KEAP1: variants seen among roughly 807,000 people sequenced by gnomAD.
KEAP1 encodes kelch like ECH associated protein 1, also known as kelch-like ECH-associated protein 1.
KEAP1 carries 26 observed loss-of-function variants against 59.7 expected under a neutral mutation model. The observed-to-expected ratio is 0.44, with a 90% CI of 0.32 to 0.60. KEAP1 has a LOEUF of 0.60. KEAP1 is among the 20% of genes least tolerant of loss of function. KEAP1 has a pLI of 0.06. For synonymous variants in KEAP1, 350 were observed against 358.3 expected (o/e 0.98, Z 0.26); for missense variants, 539 against 871.4 (o/e 0.62, Z 4.80).
intron 5 of KEAP1, among the ~76,000 whole-genome samples, chr19:10,488,484 C>T (rs976726969): frequency 2.0e-5 from 3 of 150,634 alleles, no homozygotes; most frequent in East Asian, 2.0e-4. Flanking sequence ...TAGTGGCAGG[C>T]GCCTGTAATC....
chr19:10,493,892 C>G (rs1426874519), intron 2 of KEAP1, among the ~76,000 whole-genome samples: 1 of 152,126 alleles, frequency 6.6e-6, no homozygotes, highest in Non-Finnish European at 1.5e-5. Context: ...GGTGATCTGC[C>G]CATCTCAGCC....
rs889349612 is a variant in KEAP1 at position 10,486,280 on chromosome 19, C to G, written c.*372G>C. On this transcript the variant is annotated 3_prime_UTR_variant, in exon 6 of 6. Transcript: ENST00000171111. Reference sequence around the variant, plus strand: ...CCACATTTCCAGAGGGGGCCTCCCCCTGAGGCCCCCATTGGCCCCCTCCCA... The same window carrying G: ...CCACATTTCCAGAGGGGGCCTCCCCGTGAGGCCCCCATTGGCCCCCTCCCA... 1.2e-5 allele frequency: 3 copies of G among 254,104 alleles called. No individual in the cohort carries two copies. Among genetic ancestry groups the G allele is most frequent in the Non-Finnish European group, 2.3e-5 (3 of 131,926 alleles). 15.7% of individuals were successfully genotyped at this position (254,104 alleles called of 1,614,324 possible). A position where few individuals can be genotyped will look rare whatever the true frequency, so the allele number is the denominator to read the frequency against.
At position 10,492,086 on chromosome 19, in the gene KEAP1, G is replaced by A. The variant is rs2144603178; in HGVS notation, c.816C>T (p.Arg272=). 1.2e-6 allele frequency: 2 copies of A among 1,613,972 alleles called. No homozygotes were observed. Among genetic ancestry groups the A allele is most frequent in the Non-Finnish European group, 1.7e-6 (2 of 1,180,050 alleles). The change falls in exon 3 of 6, where the codon CGC becomes CGT. Residue 272 remains arginine (R), a synonymous_variant. Coordinates refer to ENST00000171111, the MANE Select transcript of KEAP1 (RefSeq NM_203500.2). ...FYVQALLRAV[R]CHSLTPNFLQ... ...GGAAGTTCGGCGTCAACGAGTGGCA[G>A]CGCACGGCCCGCAGCAGCGCCTGGA...
At position 10,499,491 on chromosome 19, in the gene KEAP1, G is replaced by A; in HGVS notation, c.543C>T (p.Pro181=). Residue 181 remains proline, a synonymous_variant, in exon 2 of 6, where the codon CCC becomes CCT. Coordinates refer to ENST00000171111, the MANE Select transcript of KEAP1 (RefSeq NM_203500.2). The surrounding 1 kb of genome is among the most constrained non-coding windows in gnomAD (Gnocchi z 6.7). ...CSDFLVQQLD[P]SNAIGIANFA... is the part of the protein sequence containing the mutation. Reference sequence around the variant, plus strand: ...AGTTGGCGATGCCGATGGCATTGCTGGGGTCCAGCTGCTGCACCAGGAAGT... The same window carrying A: ...AGTTGGCGATGCCGATGGCATTGCTAGGGTCCAGCTGCTGCACCAGGAAGT... 1.2e-6 allele frequency: 2 copies of A among 1,614,162 alleles called. No homozygotes were observed. Among genetic ancestry groups the A allele is most frequent in the East Asian group, 2.2e-5 (1 of 44,890 alleles).
intron 2 of KEAP1, among the ~76,000 whole-genome samples, chr19:10,497,407 G>C (rs1027627996): frequency 3.3e-5 from 5 of 152,188 alleles, no homozygotes; most frequent in Admixed American, 3.3e-4. Flanking sequence ...GGGGGACTTA[G>C]AAAATTTCCA....
In KEAP1 at chr19:10,503,012, C is replaced by G. The variant is rs1915098394; in HGVS notation, c.-48+229G>C. On this transcript the variant is annotated intron_variant, in intron 1 of 5. Coordinates refer to ENST00000171111, the MANE Select transcript of KEAP1 (RefSeq NM_203500.2). The surrounding 1 kb of genome is among the most constrained non-coding windows in gnomAD (Gnocchi z 4.3). ...TCCGAGTCGCGGGGAGTCTGAACCC[C>G]GAGTTCCAGGCCTGCGCGCCCCGGC... 6.6e-6 allele frequency: 1 copy of G among 152,072 alleles called. No individual in the cohort carries two copies. Among genetic ancestry groups the G allele is most frequent in the East Asian group, 2.0e-4 (1 of 5,112 alleles). 9.4% of individuals were successfully genotyped at this position (152,072 alleles called of 1,614,324 possible).
At position 10,489,853 on chromosome 19, in the gene KEAP1, C is replaced by T. The variant is rs749550339; in HGVS notation, c.1326G>A (p.Arg442=). The change falls in exon 4 of 6, where the codon AGG becomes AGA. Residue 442 remains arginine, a splice_region_variant and synonymous_variant. Coordinates refer to ENST00000171111, the MANE Select transcript of KEAP1 (RefSeq NM_203500.2). ...GCCACTCATCCCGCTCTGGCTCATA[C>T]CTGCAAGGGCGTAAGAAAAATGGGG... ...HGCIHHNSVE[R]YEPERDEWHL... is the part of the protein sequence containing the mutation. 2.5e-6 allele frequency: 4 copies of T among 1,612,506 alleles called. No individual in the cohort carries two copies. The Admixed American group carries it at 6.7e-5, about 27-fold the overall frequency.
At chr19:10,495,293 C>T (rs949877876) in intron 2 of KEAP1, among the ~76,000 whole-genome samples, 2 of 152,020 alleles carry the variant, frequency 1.3e-5, no homozygotes, top group Non-Finnish European at 1.5e-5. Context: ...ATTATACGCA[C>T]GAGCCAACTC....
chr19:10,499,001 A>C lies in KEAP1; in HGVS notation c.639+394T>G, dbSNP rs1914948048. On this transcript the variant is annotated intron_variant, in intron 2 of 5. Coordinates refer to ENST00000171111, the MANE Select transcript of KEAP1 (RefSeq NM_203500.2). The surrounding 1 kb of genome is among the most constrained non-coding windows in gnomAD (Gnocchi z 6.7). ...AGGCGCCCGCCACCAGGCCTGGCTAATTTTTATATTTTTAGTAGAGATGGG... is the reference window on the plus strand; with the variant it reads ...AGGCGCCCGCCACCAGGCCTGGCTACTTTTTATATTTTTAGTAGAGATGGG... 1.3e-5 allele frequency among the ~76,000 whole-genome samples: 2 copies of C among 151,874 alleles called. No homozygotes were observed. Among genetic ancestry groups the C allele is most frequent in the South Asian group, 4.2e-4 (2 of 4,812 alleles).
At position 10,502,199 on chromosome 19, in the gene KEAP1, C is replaced by T. The variant is rs991439603; in HGVS notation, c.-48+1042G>A. On this transcript the variant is annotated intron_variant, in intron 1 of 5. Transcript: ENST00000171111. The surrounding 1 kb of genome is among the most constrained non-coding windows in gnomAD (Gnocchi z 4.0). ...CTGCCAGAGCGGCCTCCTCCACCCT[C>T]CCTGGGTGCCACTCGGCCCCCACTC... Among the ~76,000 whole-genome samples, 9 of 152,172 alleles carry T rather than the reference C, an allele frequency of 5.9e-5. No individual in the cohort carries two copies. The highest frequency in any genetic ancestry group is 1.0e-4 in the Non-Finnish European group (7 of 68,034).
chr19:10,489,252 T>G lies in KEAP1; in HGVS notation c.1648A>C (p.Met550Leu), dbSNP rs752854170. 3.7e-6 allele frequency: 6 copies of G among 1,613,000 alleles called. No homozygotes were observed. The Admixed American group carries it at 6.7e-5, about 18-fold the overall frequency. Residue 550 changes from methionine (M) to leucine (L), a missense_variant, in exon 5 of 6, where the codon ATG becomes CTG. By Grantham distance (15) the Met-to-Leu change is conservative. Coordinates refer to ENST00000171111, the MANE Select transcript of KEAP1 (RefSeq NM_203500.2). Reference sequence around the variant, plus strand: ...CCCAGGGCACTTCGCCGGTGCTTCATGGGGGCTACGAAAGTCCACGTCTCT... The same window carrying G: ...CCCAGGGCACTTCGCCGGTGCTTCAGGGGGGCTACGAAAGTCCACGTCTCT... ...ETETWTFVAP[M>L]KHRRSALGIT...
At chr19:10,495,222 C>G in intron 2 of KEAP1, among the ~76,000 whole-genome samples, 1 of 151,824 alleles carries the variant, frequency 6.6e-6, no homozygotes, top group Non-Finnish European at 1.5e-5. Context: ...AGAGGTGCCA[C>G]TGTAACCTCA....
Position 10,491,549 on chromosome 19 carries a change from G to A in KEAP1, c.1325+28C>T, listed in dbSNP as rs778819830. On this transcript the variant is annotated intron_variant, in intron 3 of 5. Transcript: ENST00000171111. This position sits in a 1 kb window ranked among gnomAD's most constrained non-coding sequence, Gnocchi z 5.2. Reference sequence around the variant, plus strand: ...GGACTTGCCAGGAGCAGGACCCTCCGAGCCCACCCCCAGGCCCTGCCACTC... The same window carrying A: ...GGACTTGCCAGGAGCAGGACCCTCCAAGCCCACCCCCAGGCCCTGCCACTC... 14 of 1,486,300 alleles carry A rather than the reference G, an allele frequency of 9.4e-6. No individual in the cohort carries two copies. Among genetic ancestry groups the A allele is most frequent in the Middle Eastern group, 2.3e-4 (1 of 4,428 alleles). 92.1% of individuals were successfully genotyped at this position (1,486,300 alleles called of 1,614,324 possible). A position where few individuals can be genotyped will look rare whatever the true frequency, so the allele number is the denominator to read the frequency against.
chr19:10,489,276 C>G lies in KEAP1; in HGVS notation c.1624G>C (p.Glu542Gln), dbSNP rs746601873. The G allele has an allele frequency of 6.2e-7, 1 of 1,613,860 alleles. No individual in the cohort carries two copies. Among genetic ancestry groups the G allele is most frequent in the South Asian group, 1.1e-5 (1 of 91,062 alleles). ...NSVERYDVET[E>Q]TWTFVAPMKH... ...ATGGGGGCTACGAAAGTCCACGTCT[C>G]TGTTTCCACATCGTAGCGCTCCACG... is the stretch of plus-strand genomic sequence containing the variant. Residue 542 changes from glutamate to glutamine, a missense_variant, in exon 5 of 6, where the codon GAG becomes CAG. By Grantham distance (29) the Glu-to-Gln change is conservative. This residue lies in a region of KEAP1 where 311 missense variants were observed against 425.2 expected (regional missense o/e 0.73). Coordinates refer to ENST00000171111, the MANE Select transcript of KEAP1 (RefSeq NM_203500.2).
intron 5 of KEAP1, among the ~76,000 whole-genome samples, chr19:10,487,825 G>A (rs543386286): frequency 1.5e-4 from 23 of 151,136 alleles, no homozygotes; most frequent in South Asian, 6.3e-4. Context: ...GTGAAACCCC[G>A]TCTCTACTAA....
intron 5 of KEAP1, among the ~76,000 whole-genome samples, chr19:10,488,000 T>A (rs764913520): frequency 1.3e-5 from 2 of 151,936 alleles, no homozygotes. Context: ...TGGTGGCGCA[T>A]GCCTGTAACC....
intron 1 of KEAP1, among the ~76,000 whole-genome samples, chr19:10,501,902 C>A (rs1461224225): frequency 1.3e-5 from 2 of 152,270 alleles, no homozygotes; most frequent in African/African-American, 4.8e-5. Flanking sequence ...ACAAGTGGAT[C>A]TGCAAGTTCT....
At chr19:10,487,737 T>C (rs1482777956) in intron 5 of KEAP1, among the ~76,000 whole-genome samples, 1 of 152,158 alleles carries the variant, frequency 6.6e-6, no homozygotes, top group African/African-American at 2.4e-5. Context: ...GGCTCATGCC[T>C]GTAATCCCAG....
chr19:10,494,657 CTT>C (rs111799495), intron 2 of KEAP1, among the ~76,000 whole-genome samples: 3,176 of 110,942 alleles, frequency 0.029, 116 homozygotes, highest in African/African-American at 0.099. Context: ...CTGTTTGTTT[CTT>C]TTTTTTTTTT....
Sources: gnomAD v4.1 joint callset for allele counts (sites outside exome capture counted in the v4.1 genomes callset) on GRCh38, gnomAD v4.1.1 for gene constraint, gnomAD v4.1.1 regional missense constraint, Gnocchi (gnomAD v3.1) non-coding constraint, MANE v1.5 for transcripts, NCBI Gene and HGNC (gene_info 2026-07-23, HGNC 2026-07-21) for gene names.